Variants in ATF2 observed in about 807,000 individuals in gnomAD.
The protein encoded by ATF2 is cyclic AMP-dependent transcription factor ATF-2.
ATF2 carries 24 observed loss-of-function variants against 60.6 expected under a neutral mutation model. The ratio of observed to expected loss-of-function variants is 0.40; its 90% CI spans 0.29 to 0.56. ATF2 has a LOEUF of 0.56. ATF2 is among the 20% of genes least tolerant of loss of function. ATF2 has a pLI of 0.54. For synonymous variants in ATF2, 206 were observed against 215.4 expected, an observed-to-expected ratio of 0.96 and a Z score of 0.38; for missense variants, 433 against 607.7, an observed-to-expected ratio of 0.71 and a Z score of 3.02.
intron 1 of ATF2, among the ~76,000 whole-genome samples, chr2:175,152,205 AAG>A (rs886704414): frequency 2.0e-5 from 3 of 152,166 alleles, no homozygotes; most frequent in African/African-American, 7.2e-5. Flanking sequence ...CAAACTACTA[AAG>A]AGAGTTTTCG....
intron 1 of ATF2, among the ~76,000 whole-genome samples, chr2:175,163,928 A>AAAAAAAAAAAAG (rs1270536988): frequency 6.7e-6 from 1 of 148,194 alleles, no homozygotes; most frequent in African/African-American, 2.5e-5. Context: ...CAAAAAAAAA[A>AAAAAAAAAAAAG]AAAAGAAAAG....
In ATF2 at chr2:175,075,312, TTC is replaced by T. The variant is rs553421966; in HGVS notation, c.1292-479_1292-478del. On this transcript the variant is annotated intron_variant, in intron 13 of 13. Coordinates refer to ENST00000264110, the MANE Select transcript of ATF2 (RefSeq NM_001880.4). ...TCTGCATTCTCCAGAACTGTATTTA[TTC>T]TGACTGATTTTCCATCTATTGCAGC... Among the ~76,000 whole-genome samples the T allele has an allele frequency of 1.9e-3, 293 of 152,308 alleles. 1 individual carries two copies. The highest frequency in any genetic ancestry group is 6.8e-3 in the African/African-American group (284 of 41,576).
chr2:175,166,161 A>C (rs1700336889), intron 1 of ATF2, among the ~76,000 whole-genome samples: 2 of 152,238 alleles, frequency 1.3e-5, no homozygotes, highest in Admixed American at 1.3e-4. Context: ...ACATACAAAA[A>C]AAAGTCCCTG....
chr2:175,148,488 A>G (rs917611801), intron 2 of ATF2, among the ~76,000 whole-genome samples: 7 of 152,202 alleles, frequency 4.6e-5, no homozygotes, highest in African/African-American at 1.7e-4. Context: ...AAGCCCCCCA[A>G]CCAACAGACC....
chr2:175,095,328 G>A (rs951489694), intron 11 of ATF2, among the ~76,000 whole-genome samples: 1 of 152,046 alleles, frequency 6.6e-6, no homozygotes, highest in Non-Finnish European at 1.5e-5. Flanking sequence ...CTGACCTCAG[G>A]TGATCCACCC....
intron 4 of ATF2, among the ~76,000 whole-genome samples, chr2:175,122,519 C>T (rs1252525641): frequency 2.0e-5 from 3 of 151,996 alleles, no homozygotes; most frequent in African/African-American, 7.2e-5. Flanking sequence ...TCTCCTTCCC[C>T]TACCCAATTC....
At chr2:175,107,503 C>T (rs377218705) in intron 10 of ATF2, among the ~76,000 whole-genome samples, 1 of 150,338 alleles carries the variant, frequency 6.7e-6, no homozygotes, top group South Asian at 2.1e-4. Flanking sequence ...CAGATATCCT[C>T]ATAGAAGTAC....
chr2:175,076,883 G>C (rs956909089), intron 13 of ATF2, among the ~76,000 whole-genome samples: 4 of 151,562 alleles, frequency 2.6e-5, no homozygotes, highest in Non-Finnish European at 5.9e-5. Context: ...TGCCATGTTG[G>C]TGTGCTGCAC....
chr2:175,077,675 C>T (rs766131777), intron 13 of ATF2, among the ~76,000 whole-genome samples: 8 of 152,160 alleles, frequency 5.3e-5, no homozygotes, highest in Non-Finnish European at 1.2e-4. Flanking sequence ...TGAATGCTTA[C>T]CTACAGACTT....
At chr2:175,077,163 T>A (rs1693386937) in intron 13 of ATF2, among the ~76,000 whole-genome samples, 1 of 152,162 alleles carries the variant, frequency 6.6e-6, no homozygotes, top group African/African-American at 2.4e-5. Context: ...TTCCATGATG[T>A]ATATGTGCCA....
intron 10 of ATF2, among the ~76,000 whole-genome samples, chr2:175,105,979 A>T (rs189416295): frequency 6.6e-5 from 10 of 152,280 alleles, no homozygotes; most frequent in Admixed American, 5.2e-4. Context: ...GCACAGAGGA[A>T]ATTTTATAGC....
At chr2:175,143,448 T>TTC (rs1698737268) in intron 2 of ATF2, among the ~76,000 whole-genome samples, 1 of 152,194 alleles carries the variant, frequency 6.6e-6, no homozygotes, top group Non-Finnish European at 1.5e-5. Context: ...TTATCATCAA[T>TTC]GAATATCTTT....
chr2:175,137,982 T>C (rs1199825244), intron 2 of ATF2, among the ~76,000 whole-genome samples: 1 of 152,194 alleles, frequency 6.6e-6, no homozygotes, highest in Non-Finnish European at 1.5e-5. Flanking sequence ...TATCTCCTTT[T>C]TATTGCAGTG....
At chr2:175,164,526 T>A (rs1037641129) in intron 1 of ATF2, among the ~76,000 whole-genome samples, 1 of 152,170 alleles carries the variant, frequency 6.6e-6, no homozygotes, top group Admixed American at 6.5e-5. Flanking sequence ...AGAGGGAGAC[T>A]CTGTCTCAAA....
intron 12 of ATF2, among the ~76,000 whole-genome samples, chr2:175,084,640 A>AT (rs1250566031): frequency 2.0e-5 from 3 of 147,868 alleles, no homozygotes; most frequent in South Asian, 4.2e-4. Flanking sequence ...AACTTAAAGT[A>AT]TAAAAAAAAA....
intron 5 of ATF2, among the ~76,000 whole-genome samples, chr2:175,118,840 C>A (rs1312361768): frequency 1.3e-5 from 2 of 151,362 alleles, no homozygotes; most frequent in Non-Finnish European, 3.0e-5. Context: ...ATAAAACAAT[C>A]TTTAATAGGT....
chr2:175,083,116 T>G (rs1234097325), intron 12 of ATF2, among the ~76,000 whole-genome samples: 1 of 151,792 alleles, frequency 6.6e-6, no homozygotes, highest in African/African-American at 2.4e-5. Flanking sequence ...AAGCTACCAA[T>G]GACTTTCTTC....
At chr2:175,113,031 T>C (rs935071844) in intron 9 of ATF2, among the ~76,000 whole-genome samples, 7 of 146,356 alleles carry the variant, frequency 4.8e-5, no homozygotes, top group African/African-American at 1.9e-4. Context: ...GAGAGAATAA[T>C]AGAGAGATTC....
chr2:175,076,761 T>C (rs1466246934), intron 13 of ATF2, among the ~76,000 whole-genome samples: 1 of 151,812 alleles, frequency 6.6e-6, no homozygotes, highest in Non-Finnish European at 1.5e-5. Context: ...TTTTTTTAAG[T>C]ATTTATATGT....
Sources: allele counts gnomAD v4.1 joint callset (sites outside exome capture counted in the v4.1 genomes callset), GRCh38; gene constraint gnomAD v4.1.1; transcripts MANE v1.5; gene names NCBI Gene and HGNC (gene_info 2026-07-23, HGNC 2026-07-21).